DIP2B: variants seen among roughly 807,000 people sequenced by gnomAD.
The protein encoded by DIP2B is DIP2 acetate--CoA ligase B (putative).
DIP2B carries 76 observed loss-of-function variants against 198.0 expected under a neutral mutation model. The ratio of observed to expected loss-of-function variants is 0.38; its 90% CI spans 0.32 to 0.46. The LOEUF (loss-of-function observed/expected upper bound fraction) is 0.46. Ranked by LOEUF, DIP2B falls within the 20% of genes least tolerant of loss-of-function variation. The probability of loss-of-function intolerance (pLI) is 0.99; values close to 1 mark genes in which losing one functional copy is unlikely to be tolerated. For synonymous variants in DIP2B, 701 were observed against 739.1 expected (o/e 0.95, Z 0.84); for missense variants, 1,559 against 1,978.4 (o/e 0.79, Z 4.02).
intron 1 of DIP2B, among the ~76,000 whole-genome samples, chr12:50,617,973 G>A (rs1937733822): frequency 6.6e-6 from 1 of 152,112 alleles, no homozygotes; most frequent in South Asian, 2.1e-4. Flanking sequence ...TTTTTAAATT[G>A]CATCTGATTT....
chr12:50,574,719 GGTACTTC>G (rs1958643316), intron 1 of DIP2B, among the ~76,000 whole-genome samples: 1 of 152,218 alleles, frequency 6.6e-6, no homozygotes, highest in Non-Finnish European at 1.5e-5. Flanking sequence ...GTTCCCATCT[GGTACTTC>G]GTTCCCTCTT....
At chr12:50,667,793 A>G (rs1006955121) in intron 4 of DIP2B, among the ~76,000 whole-genome samples, 4 of 152,262 alleles carry the variant, frequency 2.6e-5, no homozygotes, top group Admixed American at 1.3e-4. Context: ...CAAATCAAAA[A>G]GAAATACACA....
intron 1 of DIP2B, among the ~76,000 whole-genome samples, chr12:50,585,430 T>C (rs116487702): frequency 0.011 from 1,656 of 152,300 alleles, 35 homozygotes; most frequent in African/African-American, 0.038. Context: ...GTAGCTGCTC[T>C]TCTAGTCAGA....
intron 2 of DIP2B, among the ~76,000 whole-genome samples, chr12:50,630,805 G>A (rs1025396651): frequency 6.6e-6 from 1 of 151,304 alleles, no homozygotes; most frequent in Non-Finnish European, 1.5e-5. Flanking sequence ...CTGCGTAGCT[G>A]GGATTACAGG....
intron 1 of DIP2B, among the ~76,000 whole-genome samples, chr12:50,546,473 G>T (rs1000647598): frequency 6.6e-6 from 1 of 152,202 alleles, no homozygotes; most frequent in Non-Finnish European, 1.5e-5. Context: ...TGTTGCAGGG[G>T]TGACATATGT....
intron 2 of DIP2B, among the ~76,000 whole-genome samples, chr12:50,627,187 G>T (rs1352713361): frequency 6.6e-6 from 1 of 152,170 alleles, no homozygotes; most frequent in East Asian, 1.9e-4. Flanking sequence ...CCATGCCTCT[G>T]AAGGCCCAGA....
In DIP2B at chr12:50,671,240, C is replaced by G. The variant is rs757476741; in HGVS notation, c.482C>G (p.Ser161Cys). 3 of 1,614,218 alleles carry G rather than the reference C, an allele frequency of 1.9e-6. No individual in the cohort carries two copies. The Admixed American group carries it at 5.0e-5, about 27-fold the overall frequency. Reference protein sequence around the residue: ...EGSLRRQAALSAALQQSLQNA... With the variant: ...EGSLRRQAALCAALQQSLQNA... ...TCTCTGAGACGCCAAGCTGCGCTCT[C>G]TGCTGCCTTGCAACAGAGCTTACAG... The change falls in exon 5 of 38, where the codon TCT becomes TGT. Residue 161 changes from serine to cysteine, a missense_variant. By Grantham distance (112) the Ser-to-Cys change is moderately radical. Transcript: ENST00000301180.
chr12:50,653,346 C>CTTTTTTTTTTTTTTTTTTTT (rs34185073), intron 3 of DIP2B, among the ~76,000 whole-genome samples: 3 of 76,630 alleles, frequency 3.9e-5, no homozygotes, highest in Non-Finnish European at 4.8e-5. Context: ...TTTTTCTTTT[C>CTTTTTTTTTTTTTTTTTTTT]TTTTTTTTTT....
At chr12:50,643,765 G>A (rs1938302055) in intron 3 of DIP2B, among the ~76,000 whole-genome samples, 1 of 152,140 alleles carries the variant, frequency 6.6e-6, no homozygotes, top group African/African-American at 2.4e-5. Context: ...CAGGGAGGCC[G>A]AGGCAGGAGG....
intron 22 of DIP2B, among the ~76,000 whole-genome samples, chr12:50,709,143 G>C (rs1319145760): frequency 1.3e-5 from 2 of 152,212 alleles, no homozygotes; most frequent in Non-Finnish European, 2.9e-5. Flanking sequence ...CTTCTTACCA[G>C]ATATGTGCCC....
chr12:50,725,608 T>TTACAAA (rs1939917837), intron 28 of DIP2B, among the ~76,000 whole-genome samples: 1 of 152,182 alleles, frequency 6.6e-6, no homozygotes, highest in Non-Finnish European at 1.5e-5. Context: ...GATTAAATGA[T>TTACAAA]GTAACACAAA....
intron 1 of DIP2B, among the ~76,000 whole-genome samples, chr12:50,571,561 T>TC (rs1181060396): frequency 6.8e-6 from 1 of 146,184 alleles, no homozygotes; most frequent in African/African-American, 2.5e-5. Flanking sequence ...TTTTTTTTTT[T>TC]TTTTTTTTTG....
intron 1 of DIP2B, among the ~76,000 whole-genome samples, chr12:50,543,654 G>A (rs139614203): frequency 7.2e-5 from 11 of 151,770 alleles, no homozygotes; most frequent in East Asian, 2.0e-4. Flanking sequence ...CGGTCATGGT[G>A]TCTCACACTT....
chr12:50,680,368 A>G (rs1042933543), intron 8 of DIP2B: 1 of 216,908 alleles, frequency 4.6e-6, no homozygotes, highest in South Asian at 1.5e-4. Flanking sequence ...GTTTGCATCA[A>G]ATTATTTCTA....
chr12:50,518,078 A>T (rs1958081622), intron 1 of DIP2B, among the ~76,000 whole-genome samples: 1 of 152,188 alleles, frequency 6.6e-6, no homozygotes, highest in Non-Finnish European at 1.5e-5. Context: ...GAGGTAGCAA[A>T]AAGCACCTAA....
intron 1 of DIP2B, among the ~76,000 whole-genome samples, chr12:50,607,685 A>C (rs1212368420): frequency 6.6e-6 from 1 of 152,242 alleles, no homozygotes; most frequent in African/African-American, 2.4e-5. Context: ...TGAAGCTTGG[A>C]GAATTTCCTA....
At chr12:50,587,007 A>G (rs1038948498) in intron 1 of DIP2B, among the ~76,000 whole-genome samples, 1 of 152,194 alleles carries the variant, frequency 6.6e-6, no homozygotes, top group African/African-American at 2.4e-5. Context: ...AGAAGAGGGA[A>G]TGATATTTTC....
intron 3 of DIP2B, among the ~76,000 whole-genome samples, chr12:50,646,372 T>C (rs1938351417): frequency 1.3e-5 from 2 of 151,524 alleles, no homozygotes; most frequent in East Asian, 1.9e-4. Flanking sequence ...CCGCCTGCCT[T>C]GACCTACCAA....
At chr12:50,648,660 GC>G (rs66640586) in intron 3 of DIP2B, among the ~76,000 whole-genome samples, 39,655 of 78,906 alleles carry the variant, frequency 0.5, 6,194 homozygotes, top group East Asian at 0.63. Context: ...ACCACGCCCA[GC>G]CCCCTTTTTT....
Sources: gnomAD v4.1 joint callset for allele counts (sites outside exome capture counted in the v4.1 genomes callset) on GRCh38, gnomAD v4.1.1 for gene constraint, MANE v1.5 for transcripts, NCBI Gene and HGNC (gene_info 2026-07-23, HGNC 2026-07-21) for gene names.